RBFOX1: variants seen among roughly 807,000 people sequenced by gnomAD.
RBFOX1 encodes the protein RNA binding protein fox-1 homolog 1.
RBFOX1 carries 8 observed loss-of-function variants against 57.7 expected under a neutral mutation model. That is an observed-to-expected ratio of 0.14 (90% CI 0.08 to 0.25). The LOEUF is 0.25. Among genes scored for constraint, RBFOX1 ranks in the 10% least tolerant of loss-of-function variants. RBFOX1 has a pLI of 1.00. For missense variants in RBFOX1, 611 were observed against 548.5 expected, an observed-to-expected ratio of 1.11 and a Z score of -1.14; for synonymous variants, 326 against 222.4, an observed-to-expected ratio of 1.47 and a Z score of -4.15.
At chr16:6,695,236 A>G (rs1034104266) in intron 3 of RBFOX1, among the ~76,000 whole-genome samples, 4 of 152,048 alleles carry the variant, frequency 2.6e-5, no homozygotes, top group African/African-American at 9.7e-5. Context: ...CTTGGCCAAC[A>G]GGGTGAAACT....
chr16:5,688,430 C>T (rs1299971725), intron 3 of RBFOX1, among the ~76,000 whole-genome samples: 1 of 152,234 alleles, frequency 6.6e-6, no homozygotes, highest in Non-Finnish European at 1.5e-5. Context: ...TAGTTACCCT[C>T]ATGTTGCCTG....
intron 1 of RBFOX1, among the ~76,000 whole-genome samples, chr16:6,205,167 C>T (rs746891202): frequency 1.3e-5 from 2 of 152,034 alleles, no homozygotes; most frequent in Non-Finnish European, 2.9e-5. Flanking sequence ...ATTTGTCTAC[C>T]ATTGGAAAAG....
At chr16:7,303,964 C>T in intron 4 of RBFOX1, among the ~76,000 whole-genome samples, 1 of 151,944 alleles carries the variant, frequency 6.6e-6, no homozygotes, top group East Asian at 2.0e-4. Context: ...GTCACCTTCA[C>T]AGGGGTATGG....
intron 3 of RBFOX1, among the ~76,000 whole-genome samples, chr16:6,937,535 AC>A (rs2077584740): frequency 6.6e-6 from 1 of 152,118 alleles, no homozygotes; most frequent in Non-Finnish European, 1.5e-5. Context: ...GAGAACACAC[AC>A]CCATAGTGGT....
chr16:6,665,626 C>CAA (rs71406390), intron 3 of RBFOX1, among the ~76,000 whole-genome samples: 162 of 101,458 alleles, frequency 1.6e-3, no homozygotes, highest in African/African-American at 5.1e-3. Flanking sequence ...ACTCCATCTC[C>CAA]AAAAAAAAAA....
intron 4 of RBFOX1, among the ~76,000 whole-genome samples, chr16:7,176,975 G>C (rs150799513): frequency 1.0e-3 from 153 of 152,238 alleles, no homozygotes; most frequent in African/African-American, 3.5e-3. Context: ...TTACAAGGTA[G>C]TTTTCAATAG....
At chr16:5,596,570 C>T (rs532430917) in intron 2 of RBFOX1, among the ~76,000 whole-genome samples, 4 of 152,198 alleles carry the variant, frequency 2.6e-5, no homozygotes, top group South Asian at 2.1e-4. Context: ...GAGGGAGGCC[C>T]GTCTCAAAGA....
intron 3 of RBFOX1, among the ~76,000 whole-genome samples, chr16:6,713,189 C>G (rs937973731): frequency 6.6e-6 from 1 of 152,088 alleles, no homozygotes; most frequent in Non-Finnish European, 1.5e-5. Context: ...TCTTGCGTAT[C>G]TTCCATCCAT....
At chr16:6,944,355 G>A (rs571614810) in intron 3 of RBFOX1, among the ~76,000 whole-genome samples, 24 of 148,254 alleles carry the variant, frequency 1.6e-4, no homozygotes, top group South Asian at 8.6e-4. Flanking sequence ...AGATTGCGCC[G>A]TTGTACTCCA....
intron 3 of RBFOX1, among the ~76,000 whole-genome samples, chr16:6,873,131 GAA>G (rs555045539): frequency 3.3e-4 from 44 of 132,834 alleles, no homozygotes; most frequent in African/African-American, 1.1e-3. Flanking sequence ...CTATGCATTG[GAA>G]AAAAAAAAAA....
chr16:5,887,064 G>A (rs1269174162), intron 4 of RBFOX1, among the ~76,000 whole-genome samples: 2 of 152,308 alleles, frequency 1.3e-5, no homozygotes, highest in Middle Eastern at 3.4e-3. Flanking sequence ...CTAGATGTCG[G>A]TAGCATTTTC....
chr16:6,288,724 G>C (rs1003384807), intron 1 of RBFOX1, among the ~76,000 whole-genome samples: 2 of 152,120 alleles, frequency 1.3e-5, no homozygotes, highest in African/African-American at 2.4e-5. Context: ...TGCTGGTACA[G>C]CTGAAGCAAG....
At chr16:7,692,259 A>G (rs1411456331) in intron 14 of RBFOX1, among the ~76,000 whole-genome samples, 1 of 152,172 alleles carries the variant, frequency 6.6e-6, no homozygotes, top group African/African-American at 2.4e-5. Context: ...TTTATATTTT[A>G]TTGGTGTAGA....
chr16:5,889,298 C>T lies in RBFOX1; in HGVS notation c.351+21963C>T, dbSNP rs146821000. On this transcript the variant is annotated intron_variant, in intron 4 of 19. Transcript: ENST00000641259. ...CATGTGTTCTCATCATTCAGCTCCC[C>T]CTTATAAGTGAGAACACGTGGTGTT... is the stretch of plus-strand genomic sequence containing the variant. 9.9e-5 allele frequency among the ~76,000 whole-genome samples: 15 copies of T among 152,242 alleles called. No individual in the cohort carries two copies. In the East Asian group the frequency reaches 2.9e-3, roughly 29 times the overall value.
intron 4 of RBFOX1, among the ~76,000 whole-genome samples, chr16:7,082,798 G>A (rs2059406646): frequency 6.6e-6 from 1 of 152,150 alleles, no homozygotes; most frequent in Non-Finnish European, 1.5e-5. Context: ...GAGGCCACCA[G>A]TAGCTTAATC....
chr16:6,730,245 A>G (rs957884858), intron 3 of RBFOX1, among the ~76,000 whole-genome samples: 3 of 152,118 alleles, frequency 2.0e-5, no homozygotes, highest in Non-Finnish European at 2.9e-5. Flanking sequence ...ATATAGGGAG[A>G]TGGTAGAACC....
chr16:6,925,089 G>C (rs543395383), intron 3 of RBFOX1, among the ~76,000 whole-genome samples: 2 of 98,898 alleles, frequency 2.0e-5, no homozygotes, highest in South Asian at 7.5e-4. Flanking sequence ...GTCTATCGTT[G>C]TTGGACATCT....
chr16:5,419,279 C>T (rs2067245584), intron 1 of RBFOX1, among the ~76,000 whole-genome samples: 1 of 152,148 alleles, frequency 6.6e-6, no homozygotes, highest in Non-Finnish European at 1.5e-5. Context: ...CGTCTACAAG[C>T]TGAGGAGCAA....
chr16:6,628,115 C>A (rs78012270), intron 2 of RBFOX1, among the ~76,000 whole-genome samples: 2 of 152,270 alleles, frequency 1.3e-5, no homozygotes, highest in South Asian at 2.1e-4. Flanking sequence ...TTTTCCACTT[C>A]GCAGTCCCCA....
Sources: allele counts gnomAD v4.1 joint callset (sites outside exome capture counted in the v4.1 genomes callset), GRCh38; gene constraint gnomAD v4.1.1; transcripts MANE v1.5; gene names NCBI Gene and HGNC (gene_info 2026-07-23, HGNC 2026-07-21).